Variants in ASIP observed in about 807,000 individuals in gnomAD.
The protein encoded by ASIP is agouti-signaling protein.
In ASIP, 11 loss-of-function variants were observed where a neutral mutation model predicts 10.3. The ratio of observed to expected loss-of-function variants is 1.07; its 90% CI spans 0.68 to 1.78. The LOEUF (loss-of-function observed/expected upper bound fraction) is 1.78, where lower values mean the gene tolerates loss of function less well. Among genes scored for constraint, ASIP ranks in the 40% most tolerant of loss-of-function variants. ASIP has a pLI of 0.00. For missense variants in ASIP, 180 were observed against 169.2 expected (o/e 1.06, Z -0.35); for synonymous variants, 70 against 70.8 (o/e 0.99, Z 0.06).
rs184610445 is a variant in ASIP, at chr20:34,250,927, C to T, written c.-11+9438C>T. 7.9e-5 allele frequency among the ~76,000 whole-genome samples: 12 copies of T among 152,240 alleles called. No homozygotes were observed. In the South Asian group the frequency reaches 8.3e-4, roughly 11 times the overall value. ...GGATGCCTTCAGTGCACACTCAGGA[C>T]GCTGAGTGTACCCTACTCAGGGATG... On this transcript the variant is annotated intron_variant, in intron 1 of 3. Transcript: ENST00000374954.
intron 1 of ASIP, among the ~76,000 whole-genome samples, chr20:34,196,482 G>C (rs1275453985): frequency 6.6e-6 from 1 of 152,110 alleles, no homozygotes; most frequent in Non-Finnish European, 1.5e-5. Flanking sequence ...TGAAAAGGAA[G>C]ATTTCTTATA....
chr20:34,252,703 CG>C (rs2035497592), intron 1 of ASIP, among the ~76,000 whole-genome samples: 1 of 152,084 alleles, frequency 6.6e-6, no homozygotes, highest in Admixed American at 6.6e-5. Context: ...TTATGGGTGT[CG>C]GGTTGGGGGA....
At chr20:34,237,176 C>CTTTATTCTTT (rs2035221792), upstream of ASIP, among the ~76,000 whole-genome samples, 1 of 152,066 alleles carries the variant, frequency 6.6e-6, no homozygotes, top group Non-Finnish European at 1.5e-5. Context: ...AGTCCTCCAG[C>CTTTATTCTTT]TTTATTCTTT....
At chr20:34,245,840 GAATA>G (rs972329718) in intron 1 of ASIP, 1 of 765,200 alleles carries the variant, frequency 1.3e-6, no homozygotes, top group Admixed American at 5.5e-5. Context: ...TTTTACTGTA[GAATA>G]TATATATATT....
chr20:34,231,449 A>G (rs970293253), intron 1 of ASIP, among the ~76,000 whole-genome samples: 5 of 152,384 alleles, frequency 3.3e-5, no homozygotes, highest in Non-Finnish European at 7.3e-5. Flanking sequence ...CATAGAAGAA[A>G]TCTTTTGTGA....
At chr20:34,243,642 C>T (rs192819999) in intron 1 of ASIP, among the ~76,000 whole-genome samples, 10 of 151,192 alleles carry the variant, frequency 6.6e-5, no homozygotes, top group Admixed American at 4.6e-4. Context: ...CAGATAGTCT[C>T]GATGGATAAA....
intron 1 of ASIP, among the ~76,000 whole-genome samples, chr20:34,216,607 G>T (rs1024423748): frequency 7.9e-5 from 12 of 152,082 alleles, no homozygotes; most frequent in African/African-American, 2.9e-4. Flanking sequence ...TTTTTGTATG[G>T]AATGCCATAG....
intron 1 of ASIP, among the ~76,000 whole-genome samples, chr20:34,235,780 GAGAAAGAAGAA>G (rs2035173809): frequency 1.8e-5 from 2 of 108,160 alleles, no homozygotes; most frequent in African/African-American, 5.9e-5. Flanking sequence ...GTGAGACTCT[GAGAAAGAAGAA>G]AGAAAGAAAG....
intron 1 of ASIP, among the ~76,000 whole-genome samples, chr20:34,255,888 G>C (rs1047497765): frequency 1.3e-5 from 2 of 152,148 alleles, no homozygotes; most frequent in South Asian, 2.1e-4. Context: ...CCGAGAAAGG[G>C]AGTCTCCCTT....
At chr20:34,253,083 A>T (rs2424981) in intron 1 of ASIP, among the ~76,000 whole-genome samples, 18,753 of 152,032 alleles carry the variant, frequency 0.12, 1,257 homozygotes, top group East Asian at 0.22. Flanking sequence ...ACATAGACAC[A>T]GTAACAACCT....
At chr20:34,243,860 C>T (rs1238906366) in intron 1 of ASIP, among the ~76,000 whole-genome samples, 1 of 151,442 alleles carries the variant, frequency 6.6e-6, no homozygotes, top group Admixed American at 6.6e-5. Flanking sequence ...GTCAGGAGAT[C>T]GAGACCATCC....
intron 1 of ASIP, among the ~76,000 whole-genome samples, chr20:34,201,106 A>G (rs2034897231): frequency 2.0e-5 from 3 of 149,458 alleles, no homozygotes; most frequent in Admixed American, 6.8e-5. Flanking sequence ...AGCTAAAAGT[A>G]TACTTCTAAG....
At chr20:34,187,106 A>C in the ASIP span, among the ~76,000 whole-genome samples, 1 of 152,176 alleles carries the variant, frequency 6.6e-6, no homozygotes, top group South Asian at 2.1e-4. Context: ...TTGAAAACTG[A>C]AATAATTAGT....
upstream of ASIP, among the ~76,000 whole-genome samples, chr20:34,239,448 C>T (rs367595277): frequency 2.6e-5 from 4 of 152,302 alleles, no homozygotes; most frequent in Admixed American, 6.5e-5. Context: ...AACTCCTGAC[C>T]TCAGGTGATC....
At chr20:34,256,814 T>C (rs1194469188) in intron 1 of ASIP, among the ~76,000 whole-genome samples, 1 of 152,158 alleles carries the variant, frequency 6.6e-6, no homozygotes, top group African/African-American at 2.4e-5. Context: ...CTCACTGTGT[T>C]GCCCAGGCTG....
At chr20:34,209,960 T>C (rs775994650) in intron 1 of ASIP, among the ~76,000 whole-genome samples, 1 of 152,226 alleles carries the variant, frequency 6.6e-6, no homozygotes, top group Non-Finnish European at 1.5e-5. Context: ...GTGCACTTCC[T>C]CCCTTTTGAG....
chr20:34,215,164 G>C (rs988312704), intron 1 of ASIP: 4 of 1,597,612 alleles, frequency 2.5e-6, no homozygotes, highest in Non-Finnish European at 3.4e-6. Flanking sequence ...ACAGTCACAT[G>C]CTTCTTCCCG....
chr20:34,190,455 C>A (rs975569111), upstream of ASIP, among the ~76,000 whole-genome samples: 1 of 152,176 alleles, frequency 6.6e-6, no homozygotes, highest in Non-Finnish European at 1.5e-5. Flanking sequence ...CCTGGGTGAT[C>A]TCATCTGTTC....
intron 1 of ASIP, among the ~76,000 whole-genome samples, chr20:34,205,047 C>CT (rs1329405679): frequency 2.0e-5 from 3 of 152,204 alleles, no homozygotes; most frequent in Non-Finnish European, 2.9e-5. Flanking sequence ...CCCTATTGTG[C>CT]TACCAAGTAC....
Sources: gnomAD v4.1 joint callset for allele counts (sites outside exome capture counted in the v4.1 genomes callset) on GRCh38, gnomAD v4.1.1 for gene constraint, MANE v1.5 for transcripts, NCBI Gene and HGNC (gene_info 2026-07-23, HGNC 2026-07-21) for gene names.